Variants in SRGAP1 observed in about 807,000 individuals in gnomAD.
SRGAP1 encodes SLIT-ROBO Rho GTPase-activating protein 1.
SRGAP1 carries 43 observed loss-of-function variants against 121.9 expected under a neutral mutation model. That is an observed-to-expected ratio of 0.35 (90% CI 0.28 to 0.46). The LOEUF (loss-of-function observed/expected upper bound fraction) is 0.46. Ranked by LOEUF, SRGAP1 falls within the 20% of genes least tolerant of loss-of-function variation. SRGAP1 has a pLI of 1.00. For synonymous variants in SRGAP1, 447 were observed against 485.4 expected, an observed-to-expected ratio of 0.92 and a Z score of 1.04; for missense variants, 1,102 against 1,350.9, an observed-to-expected ratio of 0.82 and a Z score of 2.89.
Position 63,991,251 on chromosome 12 carries a change from A to G in SRGAP1, c.426+1179A>G, listed in dbSNP as rs2033549754. Among the ~76,000 whole-genome samples the G allele has an allele frequency of 3.3e-5, 5 of 152,206 alleles. No individual in the cohort carries two copies. The South Asian group carries it at 1.0e-3, about 32-fold the overall frequency. ...CAGTGAGTAATTATTAGTTTCAGAAAGTAGCGGGGAGAAAAACCTCTCTGT... is the reference window on the plus strand; with the variant it reads ...CAGTGAGTAATTATTAGTTTCAGAAGGTAGCGGGGAGAAAAACCTCTCTGT... On this transcript the variant is annotated intron_variant, in intron 3 of 21. Coordinates refer to ENST00000355086, the MANE Select transcript of SRGAP1 (RefSeq NM_020762.4).
chr12:63,963,411 ATTT>A (rs1413354976), intron 1 of SRGAP1, among the ~76,000 whole-genome samples: 1 of 152,190 alleles, frequency 6.6e-6, no homozygotes, highest in Non-Finnish European at 1.5e-5. Context: ...AGTAGTATTC[ATTT>A]TTTAATGTTT....
chr12:63,941,482 A>G (rs1342367132), intron 1 of SRGAP1, among the ~76,000 whole-genome samples: 1 of 152,202 alleles, frequency 6.6e-6, no homozygotes, highest in Non-Finnish European at 1.5e-5. Flanking sequence ...TTAATACAAT[A>G]TGCTGCATAC....
intron 21 of SRGAP1, among the ~76,000 whole-genome samples, chr12:64,142,079 A>G (rs2036974111): frequency 6.6e-6 from 1 of 152,228 alleles, no homozygotes; most frequent in South Asian, 2.1e-4. Context: ...TGTTTGATAC[A>G]TGGCTCCATG....
chr12:63,898,836 G>T (rs571314331), intron 1 of SRGAP1, among the ~76,000 whole-genome samples: 1 of 152,276 alleles, frequency 6.6e-6, no homozygotes, highest in East Asian at 1.9e-4. Flanking sequence ...TTTGGTAAAA[G>T]GAATGCTAAG....
chr12:64,085,091 C>T (rs972046750), intron 10 of SRGAP1, among the ~76,000 whole-genome samples: 3 of 151,984 alleles, frequency 2.0e-5, no homozygotes, highest in South Asian at 2.1e-4. Context: ...CATTATAGTT[C>T]CTGGGATCTC....
At chr12:63,947,760 A>G (rs1408080143) in intron 1 of SRGAP1, among the ~76,000 whole-genome samples, 1 of 152,200 alleles carries the variant, frequency 6.6e-6, no homozygotes, top group Admixed American at 6.5e-5. Flanking sequence ...TTGGCTGTTC[A>G]AGGTCTTAAT....
intron 3 of SRGAP1, among the ~76,000 whole-genome samples, chr12:63,994,550 A>C (rs991592261): frequency 4.6e-5 from 7 of 152,158 alleles, no homozygotes; most frequent in Admixed American, 2.6e-4. Context: ...CCCCACAGCC[A>C]TTTCACATGG....
At chr12:63,940,675 C>T (rs2031834021) in intron 1 of SRGAP1, among the ~76,000 whole-genome samples, 4 of 152,166 alleles carry the variant, frequency 2.6e-5, no homozygotes, top group African/African-American at 9.7e-5. Flanking sequence ...TAATTGTATT[C>T]TGTGTTCAGC....
chr12:63,955,249 G>C (rs2032427401), intron 1 of SRGAP1, among the ~76,000 whole-genome samples: 1 of 152,142 alleles, frequency 6.6e-6, no homozygotes, highest in African/African-American at 2.4e-5. Context: ...AACCCAGGAG[G>C]CACAGGTTGC....
At chr12:64,048,568 G>A (rs2035178377) in intron 6 of SRGAP1, among the ~76,000 whole-genome samples, 2 of 151,998 alleles carry the variant, frequency 1.3e-5, no homozygotes. Context: ...GTTTTTTGAG[G>A]TATTCCCATA....
intron 3 of SRGAP1, among the ~76,000 whole-genome samples, chr12:63,999,500 T>C (rs537143259): frequency 7.7e-4 from 117 of 152,066 alleles, no homozygotes; most frequent in African/African-American, 2.7e-3. Flanking sequence ...AGCAGGTGGA[T>C]TCGAGTGGTG....
At chr12:63,890,009 G>A (rs1412514073) in intron 1 of SRGAP1, among the ~76,000 whole-genome samples, 4 of 151,998 alleles carry the variant, frequency 2.6e-5, no homozygotes, top group Non-Finnish European at 4.4e-5. Flanking sequence ...ATGACATGTC[G>A]TTTCTTCCTA....
At chr12:63,871,070 A>G (rs1899836176) in intron 1 of SRGAP1, among the ~76,000 whole-genome samples, 1 of 152,156 alleles carries the variant, frequency 6.6e-6, no homozygotes, top group African/African-American at 2.4e-5. Flanking sequence ...TTACCAGGTG[A>G]GACTGATGCT....
At chr12:64,106,879 T>C (rs1168114657) in intron 15 of SRGAP1, among the ~76,000 whole-genome samples, 1 of 152,190 alleles carries the variant, frequency 6.6e-6, no homozygotes, top group Non-Finnish European at 1.5e-5. Flanking sequence ...AGGCAAAATG[T>C]AGTATATTCA....
At position 63,949,741 on chromosome 12, in the gene SRGAP1, A is replaced by G. The variant is rs184783391; in HGVS notation, c.68-34206A>G. On this transcript the variant is annotated intron_variant, in intron 1 of 21. Coordinates refer to ENST00000355086, the MANE Select transcript of SRGAP1 (RefSeq NM_020762.4). ...ACGTATTGTAGAAATGCGGTAGAGC[A>G]CATATGTGGAATTTTATAACTTTGA... 7.5e-3 allele frequency among the ~76,000 whole-genome samples: 1,139 copies of G among 152,234 alleles called. 18 individuals are homozygous for G. Among genetic ancestry groups the G allele is most frequent in the Middle Eastern group, 0.02 (6 of 294 alleles).
chr12:64,002,227 G>A (rs1265595811), intron 3 of SRGAP1, among the ~76,000 whole-genome samples: 1 of 152,148 alleles, frequency 6.6e-6, no homozygotes, highest in Non-Finnish European at 1.5e-5. Flanking sequence ...ACTTCCTCAT[G>A]CCCCAGTCAC....
At chr12:63,959,341 T>C (rs1477437613) in intron 1 of SRGAP1, among the ~76,000 whole-genome samples, 2 of 152,202 alleles carry the variant, frequency 1.3e-5, no homozygotes, top group Non-Finnish European at 1.5e-5. Flanking sequence ...CTTAATTTTT[T>C]TTCCTAATTC....
chr12:63,910,723 A>G (rs996135182), intron 1 of SRGAP1, among the ~76,000 whole-genome samples: 1 of 152,230 alleles, frequency 6.6e-6, no homozygotes, highest in African/African-American at 2.4e-5. Context: ...TCGTGGTTAT[A>G]GGTACACCAT....
At chr12:64,018,039 TATTA>T (rs1301830411) in intron 4 of SRGAP1, among the ~76,000 whole-genome samples, 4 of 152,092 alleles carry the variant, frequency 2.6e-5, no homozygotes, top group African/African-American at 7.2e-5. Flanking sequence ...AAATGAGTAA[TATTA>T]ATTTATATTA....
Sources: gnomAD v4.1 joint callset for allele counts (sites outside exome capture counted in the v4.1 genomes callset) on GRCh38, gnomAD v4.1.1 for gene constraint, MANE v1.5 for transcripts, NCBI Gene and HGNC (gene_info 2026-07-23, HGNC 2026-07-21) for gene names.